Variants in SIPA1L1 observed in about 807,000 individuals in gnomAD.
The protein encoded by SIPA1L1 is signal induced proliferation associated 1 like 1.
A neutral mutation model predicts 162.7 loss-of-function variants in SIPA1L1; 26 were observed. That is an observed-to-expected ratio of 0.16 (90% CI 0.12 to 0.22). SIPA1L1 has a LOEUF of 0.22. Among genes scored for constraint, SIPA1L1 ranks in the 10% least tolerant of loss-of-function variants. SIPA1L1 has a pLI of 1.00. For missense variants in SIPA1L1, 1,874 were observed against 2,241.0 expected, an observed-to-expected ratio of 0.84 and a Z score of 3.31; for synonymous variants, 829 against 837.4, an observed-to-expected ratio of 0.99 and a Z score of 0.17.
intron 4 of SIPA1L1, among the ~76,000 whole-genome samples, chr14:71,570,179 A>G (rs578155356): frequency 3.9e-5 from 6 of 152,204 alleles, no homozygotes; most frequent in East Asian, 3.9e-4. Flanking sequence ...CATGAAGTCT[A>G]CTTAGTAGTC....
chr14:71,374,436 T>G (rs2039184649), intron 2 of SIPA1L1, among the ~76,000 whole-genome samples: 1 of 151,874 alleles, frequency 6.6e-6, no homozygotes, highest in African/African-American at 2.4e-5. Context: ...GGTTGCACAC[T>G]ATAGATTTTT....
At chr14:71,623,888 A>C (rs1293221774) in intron 6 of SIPA1L1, among the ~76,000 whole-genome samples, 160 bp from the exon 7 acceptor site, 1 of 152,148 alleles carries the variant, frequency 6.6e-6, no homozygotes, top group Admixed American at 6.5e-5. Context: ...ACAGTATCCT[A>C]CATCACTTTT....
At chr14:71,666,868 T>TA (rs960598363) in intron 10 of SIPA1L1, among the ~76,000 whole-genome samples, 2,813 of 77,980 alleles carry the variant, frequency 0.036, 37 homozygotes, top group African/African-American at 0.057. Context: ...TTCCTCTCTG[T>TA]AAAAAAAAAA....
intron 12 of SIPA1L1, among the ~76,000 whole-genome samples, chr14:71,679,292 AG>A (rs376797317): frequency 0.012 from 1,838 of 152,326 alleles, 22 homozygotes; most frequent in South Asian, 0.047. Flanking sequence ...ACATTCTTAA[AG>A]AAAAGAATTT....
At chr14:71,559,646 A>G (rs1034745580) in intron 4 of SIPA1L1, among the ~76,000 whole-genome samples, 1 of 152,222 alleles carries the variant, frequency 6.6e-6, no homozygotes, top group African/African-American at 2.4e-5. Context: ...TAAAGCCAAA[A>G]GATTTTGACC....
chr14:71,490,229 T>C (rs2049131115), intron 2 of SIPA1L1, among the ~76,000 whole-genome samples: 1 of 152,252 alleles, frequency 6.6e-6, no homozygotes, highest in South Asian at 2.1e-4. Context: ...CAATATTTTT[T>C]TTTCTTCATG....
intron 2 of SIPA1L1, among the ~76,000 whole-genome samples, chr14:71,382,634 C>CA (rs1322279726): frequency 1.2e-4 from 19 of 152,088 alleles, no homozygotes; most frequent in Non-Finnish European, 5.9e-5. Flanking sequence ...GAATTGCTCT[C>CA]AGAGTTTCTC....
At chr14:71,413,541 T>C (rs1045356920) in intron 2 of SIPA1L1, among the ~76,000 whole-genome samples, 6 of 151,926 alleles carry the variant, frequency 3.9e-5, no homozygotes, top group Non-Finnish European at 8.8e-5. Flanking sequence ...AGTTCAAGAT[T>C]AGCCTGGCCA....
chr14:71,522,439 G>A (rs999822728), intron 3 of SIPA1L1, among the ~76,000 whole-genome samples: 1 of 152,158 alleles, frequency 6.6e-6, no homozygotes, highest in Non-Finnish European at 1.5e-5. Context: ...GGGACCAGAA[G>A]TGTTTTGGAT....
At chr14:71,575,023 C>G (rs2032778702) in intron 4 of SIPA1L1, 1 of 152,000 alleles carries the variant, frequency 6.6e-6, no homozygotes, top group Non-Finnish European at 1.5e-5. Flanking sequence ...GACAAGTTGC[C>G]AGAATTATTT....
intron 3 of SIPA1L1, among the ~76,000 whole-genome samples, chr14:71,522,848 A>C (rs1487053328): frequency 6.6e-6 from 1 of 151,976 alleles, no homozygotes; most frequent in African/African-American, 2.4e-5. Flanking sequence ...CTCCACCACC[A>C]CACCCAGCTA....
chr14:71,438,035 C>T (rs2044535109), intron 2 of SIPA1L1, among the ~76,000 whole-genome samples: 1 of 152,142 alleles, frequency 6.6e-6, no homozygotes, highest in Non-Finnish European at 1.5e-5. Context: ...TATCTCCTTA[C>T]ATTTTAGCCA....
At position 71,602,014 on chromosome 14, in the gene SIPA1L1, C is replaced by CT. The variant is rs1348248735; in HGVS notation, c.1498+12649dup. 2.7e-5 allele frequency among the ~76,000 whole-genome samples: 4 copies of CT among 150,924 alleles called. No individual in the cohort carries two copies. In the South Asian group the frequency reaches 8.3e-4, roughly 31 times the overall value. ...GTATTTGTCTTTTCAAAAAAAACAACTTTTTATTTTGTAGATTTTTTTCTA... is the reference window on the plus strand; with the variant it reads ...GTATTTGTCTTTTCAAAAAAAACAACTTTTTTATTTTGTAGATTTTTTTCTA... On this transcript the variant is annotated intron_variant, in intron 5 of 23. Transcript: ENST00000381232.
intron 2 of SIPA1L1, among the ~76,000 whole-genome samples, chr14:71,456,972 A>T (rs892908749): frequency 6.6e-6 from 1 of 152,234 alleles, no homozygotes; most frequent in Non-Finnish European, 1.5e-5. Context: ...ATTGAGGACA[A>T]GGCCTTGCTA....
chr14:71,391,485 G>A (rs1254176215), intron 2 of SIPA1L1, among the ~76,000 whole-genome samples: 1 of 152,172 alleles, frequency 6.6e-6, no homozygotes, highest in African/African-American at 2.4e-5. Context: ...AATTATAACT[G>A]TGATACGTGA....
At chr14:71,508,979 A>G (rs1489036808) in intron 2 of SIPA1L1, among the ~76,000 whole-genome samples, 3 of 151,012 alleles carry the variant, frequency 2.0e-5, no homozygotes, top group Non-Finnish European at 4.4e-5. Context: ...ATTTTCCCAT[A>G]AGATGTGTGA....
At chr14:71,419,080 C>G (rs1010258433) in intron 2 of SIPA1L1, among the ~76,000 whole-genome samples, 19 of 152,146 alleles carry the variant, frequency 1.2e-4, no homozygotes, top group African/African-American at 4.6e-4. Flanking sequence ...GGGGTGTTTC[C>G]TGAACCGTTG....
At chr14:71,736,726 G>C (rs2085325770) in intron 22 of SIPA1L1, among the ~76,000 whole-genome samples, 1 of 152,180 alleles carries the variant, frequency 6.6e-6, no homozygotes, top group South Asian at 2.1e-4. Context: ...CGTTAGGAAG[G>C]AGCCTCCAAC....
chr14:71,491,644 C>T (rs1008809446), intron 2 of SIPA1L1, among the ~76,000 whole-genome samples: 3 of 151,970 alleles, frequency 2.0e-5, no homozygotes, highest in African/African-American at 7.3e-5. Flanking sequence ...AAGCAATCCT[C>T]CCACCTCAAC....
Sources: gnomAD v4.1 joint callset for allele counts (sites outside exome capture counted in the v4.1 genomes callset) on GRCh38, gnomAD v4.1.1 for gene constraint, MANE v1.5 for transcripts, NCBI Gene and HGNC (gene_info 2026-07-23, HGNC 2026-07-21) for gene names.